The following EPHB1 variants were observed in gnomAD, a reference collection of about 807,000 sequenced individuals.
EPHB1 encodes the protein EPH receptor B1, also known as ephrin type-B receptor 1.
A neutral mutation model predicts 94.4 loss-of-function variants in EPHB1; 30 were observed. The observed-to-expected ratio is 0.32, with a 90% CI of 0.24 to 0.43. EPHB1 has a LOEUF of 0.43. Ranked by LOEUF, EPHB1 falls within the 20% of genes least tolerant of loss-of-function variation. The probability of loss-of-function intolerance (pLI) is 1.00; values close to 1 mark genes in which losing one functional copy is unlikely to be tolerated. For synonymous variants in EPHB1, 522 were observed against 489.1 expected, an observed-to-expected ratio of 1.07 and a Z score of -0.89; for missense variants, 1,055 against 1,308.3, an observed-to-expected ratio of 0.81 and a Z score of 2.99.
intron 12 of EPHB1, among the ~76,000 whole-genome samples, chr3:135,204,549 G>A (rs1942845713): frequency 6.6e-6 from 1 of 151,992 alleles, no homozygotes; most frequent in Non-Finnish European, 1.5e-5. Flanking sequence ...CACACAGGCT[G>A]GAGGGCAGTG....
chr3:134,797,550 G>A (rs2035853749), intron 1 of EPHB1, among the ~76,000 whole-genome samples: 1 of 152,306 alleles, frequency 6.6e-6, no homozygotes, highest in South Asian at 2.1e-4. Context: ...CTCGGCATTG[G>A]GTTCCTGTGC....
At chr3:134,846,317 A>G (rs2036871312) in intron 1 of EPHB1, among the ~76,000 whole-genome samples, 1 of 152,106 alleles carries the variant, frequency 6.6e-6, no homozygotes. Flanking sequence ...CATTGCTTGC[A>G]CGTTGCAATC....
intron 3 of EPHB1, among the ~76,000 whole-genome samples, chr3:135,060,965 G>A (rs1029531293): frequency 7.9e-5 from 12 of 151,378 alleles, no homozygotes; most frequent in Admixed American, 3.9e-4. Flanking sequence ...CCCAGCCTCT[G>A]GTAACCATCC....
intron 3 of EPHB1, among the ~76,000 whole-genome samples, chr3:134,955,067 CTTTCTTTTTTTT>C (rs1167215916): frequency 0.05 from 355 of 7,084 alleles, 27 homozygotes; most frequent in African/African-American, 0.14. Context: ...TCCTGACATC[CTTTCTTTTTTTT>C]TTTTTTTTTT....
chr3:134,966,870 G>A (rs1254291875), intron 3 of EPHB1, among the ~76,000 whole-genome samples: 1 of 152,244 alleles, frequency 6.6e-6, no homozygotes, highest in Admixed American at 6.5e-5. Flanking sequence ...ATGGCAGTCA[G>A]TGTTAGAACA....
intron 3 of EPHB1, among the ~76,000 whole-genome samples, chr3:135,016,650 G>A (rs1160827278): frequency 1.3e-5 from 2 of 152,230 alleles, no homozygotes; most frequent in Admixed American, 6.5e-5. Context: ...GCAGGATCAG[G>A]CCTAAAGACC....
At chr3:134,973,916 T>C (rs561826968) in intron 3 of EPHB1, among the ~76,000 whole-genome samples, 177 of 152,210 alleles carry the variant, frequency 1.2e-3, no homozygotes, top group African/African-American at 4.0e-3. Context: ...ACCTTATTCC[T>C]TTAGGGAAAT....
At chr3:135,126,410 A>G (rs975231937) in intron 4 of EPHB1, among the ~76,000 whole-genome samples, 12 of 152,320 alleles carry the variant, frequency 7.9e-5, no homozygotes, top group Middle Eastern at 6.8e-3. Context: ...AGTAAAGGAA[A>G]GGTTTCCTTT....
chr3:134,902,712 C>A (rs2038228078), intron 1 of EPHB1, among the ~76,000 whole-genome samples: 2 of 152,108 alleles, frequency 1.3e-5, no homozygotes, highest in South Asian at 4.1e-4. Flanking sequence ...TTGCCAATTT[C>A]TTGTCATATC....
chr3:135,120,426 A>T (rs567225347), intron 4 of EPHB1, among the ~76,000 whole-genome samples: 2 of 152,268 alleles, frequency 1.3e-5, no homozygotes, highest in South Asian at 4.1e-4. Flanking sequence ...TGGTGGGAAT[A>T]GTGAGCTTTC....
intron 3 of EPHB1, among the ~76,000 whole-genome samples, chr3:134,978,414 C>T (rs1934274941): frequency 6.6e-6 from 1 of 152,218 alleles, no homozygotes; most frequent in Non-Finnish European, 1.5e-5. Flanking sequence ...CCTGCCTTAG[C>T]ACCAGGGCAT....
intron 4 of EPHB1, among the ~76,000 whole-genome samples, chr3:135,124,782 T>G (rs765587370): frequency 6.6e-6 from 1 of 151,618 alleles, no homozygotes; most frequent in Non-Finnish European, 1.5e-5. Flanking sequence ...CACATGGCTG[T>G]TAGAAAAAGT....
At chr3:134,932,360 G>GT (rs2038922599) in intron 2 of EPHB1, among the ~76,000 whole-genome samples, 1 of 152,156 alleles carries the variant, frequency 6.6e-6, no homozygotes, top group African/African-American at 2.4e-5. Context: ...TCCCCCACCA[G>GT]CTGCCCACCT....
At chr3:135,199,679 T>G (rs1187528913) in intron 11 of EPHB1, among the ~76,000 whole-genome samples, 1 of 152,206 alleles carries the variant, frequency 6.6e-6, no homozygotes, top group Admixed American at 6.5e-5. Context: ...TTTGCTCTAT[T>G]CCTTCAATTG....
At chr3:134,924,797 T>G (rs2038756817) in intron 1 of EPHB1, among the ~76,000 whole-genome samples, 1 of 152,212 alleles carries the variant, frequency 6.6e-6, no homozygotes, top group Non-Finnish European at 1.5e-5. Flanking sequence ...GAAGCAAGAT[T>G]TTTTAAAAAT....
chr3:135,044,695 C>G (rs1402919720), intron 3 of EPHB1, among the ~76,000 whole-genome samples: 1 of 152,122 alleles, frequency 6.6e-6, no homozygotes, highest in Admixed American at 6.5e-5. Flanking sequence ...TATTCTTGAG[C>G]AAATGCTTAA....
chr3:135,126,094 C>G (rs1207374845), intron 4 of EPHB1, among the ~76,000 whole-genome samples: 1 of 152,188 alleles, frequency 6.6e-6, no homozygotes, highest in African/African-American at 2.4e-5. Flanking sequence ...GTCTCTCCCA[C>G]CATCCATACG....
intron 1 of EPHB1, among the ~76,000 whole-genome samples, chr3:134,829,754 G>A (rs937439006): frequency 6.6e-5 from 10 of 152,084 alleles, no homozygotes; most frequent in African/African-American, 2.2e-4. Flanking sequence ...AGGTCATACT[G>A]GAATAGGATA....
In EPHB1 at chr3:135,160,432, C is replaced by T. The variant is rs1372671814; in HGVS notation, c.1423-1586C>T. Reference sequence around the variant, plus strand: ...AGCTCTGTTTCTTCTGTCATTTTACCAAGAATACAGTTTACAATTTGTAAA... The same window carrying T: ...AGCTCTGTTTCTTCTGTCATTTTACTAAGAATACAGTTTACAATTTGTAAA... On this transcript the variant is annotated intron_variant, in intron 6 of 15. Transcript: ENST00000398015. Among the ~76,000 whole-genome samples the T allele has an allele frequency of 3.3e-5, 5 of 152,048 alleles. No individual in the cohort carries two copies. In the East Asian group the frequency reaches 5.8e-4, roughly 18 times the overall value.
Sources: gnomAD v4.1 joint callset for allele counts (sites outside exome capture counted in the v4.1 genomes callset) on GRCh38, gnomAD v4.1.1 for gene constraint, MANE v1.5 for transcripts, NCBI Gene and HGNC (gene_info 2026-07-23, HGNC 2026-07-21) for gene names.